The following PHF19 variants were observed in gnomAD, a reference collection of about 807,000 sequenced individuals.
PHF19 encodes polycomb like 3.
A neutral mutation model predicts 79.8 loss-of-function variants in PHF19; 21 were observed. The ratio of observed to expected loss-of-function variants is 0.26; its 90% CI spans 0.19 to 0.38. The LOEUF (loss-of-function observed/expected upper bound fraction) is 0.38. Among genes scored for constraint, PHF19 ranks in the 10% least tolerant of loss-of-function variants. The probability of loss-of-function intolerance (pLI) is 1.00; values close to 1 mark genes in which losing one functional copy is unlikely to be tolerated. For missense variants in PHF19, 445 were observed against 744.2 expected (o/e 0.60, Z 4.68); for synonymous variants, 273 against 296.3 (o/e 0.92, Z 0.81).
At chr9:120,880,539 A>T (rs1198914280), upstream of PHF19, among the ~76,000 whole-genome samples, 2 of 152,226 alleles carry the variant, frequency 1.3e-5, no homozygotes, top group Non-Finnish European at 2.9e-5. Flanking sequence ...ATGTAGTCAT[A>T]CAATGGAATA....
In PHF19 at chr9:120,860,905, G is replaced by A. The variant is rs1395345632; in HGVS notation, c.1304+184C>T. On this transcript the variant is annotated intron_variant, in intron 13 of 14. Coordinates refer to ENST00000373896, the MANE Select transcript of PHF19 (RefSeq NM_015651.3). This position sits in a 1 kb window ranked among gnomAD's most constrained non-coding sequence, Gnocchi z 4.1. Reference sequence around the variant, plus strand: ...ATAACCATGGGGCAAGGTGGGGAGGGCTGGAGAAGAGGGGAGGGCTGTGGT... The same window carrying A: ...ATAACCATGGGGCAAGGTGGGGAGGACTGGAGAAGAGGGGAGGGCTGTGGT... 3 of 574,282 alleles carry A rather than the reference G, an allele frequency of 5.2e-6. No homozygotes were observed. Among genetic ancestry groups the A allele is most frequent in the East Asian group, 6.0e-5 (2 of 33,512 alleles). The allele number at this position is 574,282 out of a possible 1,614,324, so 35.6% of individuals were successfully genotyped here. A position where few individuals can be genotyped will look rare whatever the true frequency, so the allele number is the denominator to read the frequency against.
intron 14 of PHF19, among the ~76,000 whole-genome samples, chr9:120,859,124 C>G (rs1415857928): frequency 6.6e-6 from 1 of 151,870 alleles, no homozygotes; most frequent in East Asian, 1.9e-4. Context: ...CTCAAACCAA[C>G]CAACAAACAG....
upstream of PHF19, among the ~76,000 whole-genome samples, chr9:120,896,451 C>CTTTTTTTTTTT (rs71370604): frequency 2.4e-5 from 2 of 82,712 alleles, no homozygotes; most frequent in Non-Finnish European, 4.6e-5. Context: ...TTTTTTTTTT[C>CTTTTTTTTTTT]TTTTTTTTTT....
At chr9:120,881,150 T>TTG (rs2046176301), upstream of PHF19, among the ~76,000 whole-genome samples, 1 of 16,530 alleles carries the variant, frequency 6.0e-5, no homozygotes, top group Non-Finnish European at 1.1e-4. Context: ...CGGGGGTTTG[T>TTG]TTTTTTTTTT....
intron 1 of PHF19, among the ~76,000 whole-genome samples, chr9:120,885,140 C>T (rs1202561791): frequency 6.6e-6 from 1 of 152,162 alleles, no homozygotes; most frequent in Non-Finnish European, 1.5e-5. Flanking sequence ...ATTGCTTGAA[C>T]CCAGAAGTTC....
Position 120,874,711 on chromosome 9 carries a change from G to A in PHF19, c.31C>T (p.Arg11Trp), listed in dbSNP as rs201764089. MENRALDPGT[R>W]DSYGATSHLP... Reference sequence around the variant, plus strand: ...TGGCTGGTGGCACCATAGGAGTCCCGAGTCCCTGGATCCAGAGCTCGATTC... The same window carrying A: ...TGGCTGGTGGCACCATAGGAGTCCCAAGTCCCTGGATCCAGAGCTCGATTC... The change falls in exon 2 of 15, where the codon CGG becomes TGG. Residue 11 changes from arginine to tryptophan, a missense_variant. By Grantham distance (101) the Arg-to-Trp change is moderately radical (BLOSUM62 -3). Around this residue, in one of 5 missense-constraint regions of PHF19, gnomAD observed 50 missense variants for 54.8 expected, o/e 0.91. Coordinates refer to ENST00000373896, the MANE Select transcript of PHF19 (RefSeq NM_015651.3). This position sits in a 1 kb window ranked among gnomAD's most constrained non-coding sequence, Gnocchi z 4.5. The A allele has an allele frequency of 5.6e-6, 9 of 1,613,694 alleles. No homozygotes were observed. Among genetic ancestry groups the A allele is most frequent in the African/African-American group, 2.7e-5 (2 of 75,028 alleles).
intron 1 of PHF19, among the ~76,000 whole-genome samples, chr9:120,889,747 A>G (rs2046315132): frequency 6.6e-6 from 1 of 151,980 alleles, no homozygotes; most frequent in South Asian, 2.1e-4. Context: ...CCTGTCTTGA[A>G]AAAAAGAAAG....
chr9:120,898,744 A>AT (rs1471772644), upstream of PHF19, among the ~76,000 whole-genome samples: 5 of 152,118 alleles, frequency 3.3e-5, no homozygotes, highest in African/African-American at 1.2e-4. Flanking sequence ...TGGGTGAGTG[A>AT]TTTTTTACCC....
chr9:120,903,506 A>G, the PHF19 span: 1 of 152,280 alleles, frequency 6.6e-6, no homozygotes, highest in East Asian at 1.9e-4. Context: ...CTACTGACCC[A>G]TTTTTATAGA....
chr9:120,873,015 C>CT (rs1239291127), intron 3 of PHF19, among the ~76,000 whole-genome samples: 1 of 152,192 alleles, frequency 6.6e-6, no homozygotes, highest in African/African-American at 2.4e-5. Flanking sequence ...CCCAACCACC[C>CT]TATGAAGCCA....
At chr9:120,877,069 C>A (rs1401093626) in intron 1 of PHF19, 22 bp downstream of exon 1, 7 of 985,326 alleles carry the variant, frequency 7.1e-6, no homozygotes, top group African/African-American at 3.5e-5. Context: ...GCGGGGAGTC[C>A]GCCCAACAGC....
At chr9:120,876,253 G>T (rs1342365654) in intron 1 of PHF19, 3 of 152,342 alleles carry the variant, frequency 2.0e-5, no homozygotes, top group African/African-American at 4.8e-5. Context: ...CCGGGCAGGG[G>T]ATGCGGTCTG....
the PHF19 span, among the ~76,000 whole-genome samples, chr9:120,902,056 C>T: frequency 6.6e-6 from 1 of 152,156 alleles, no homozygotes; most frequent in Non-Finnish European, 1.5e-5. Context: ...GACAGTTTCC[C>T]CTGAGAAGCT....
intron 1 of PHF19, among the ~76,000 whole-genome samples, chr9:120,887,543 G>A (rs973649795): frequency 6.6e-6 from 1 of 152,058 alleles, no homozygotes; most frequent in African/African-American, 2.4e-5. Context: ...CAGCCTGCTG[G>A]CCTGCCCTAT....
rs1011312572 is a variant in PHF19 at position 120,872,113 on chromosome 9, T to C, written c.269-1575A>G. On this transcript the variant is annotated intron_variant, in intron 3 of 14. Coordinates refer to ENST00000373896, the MANE Select transcript of PHF19 (RefSeq NM_015651.3). ...TCTGTATCCCCAGGACCTCATAGAG[T>C]GTGGCATGTAACAGGTGTTCCAAGA... 4.3e-5 allele frequency among the ~76,000 whole-genome samples: 6 copies of C among 138,162 alleles called. No individual in the cohort carries two copies. The Admixed American group carries it at 4.6e-4, about 11-fold the overall frequency. The allele number at this position is 138,162 out of a possible 152,430, so 90.6% of individuals were successfully genotyped here. A position where few individuals can be genotyped will look rare whatever the true frequency, so the allele number is the denominator to read the frequency against.
Position 120,869,300 on chromosome 9 carries a change from C to T in PHF19, c.496G>A (p.Ala166Thr), listed in dbSNP as rs773332681. 6.2e-7 allele frequency: 1 copy of T among 1,612,792 alleles called. No homozygotes were observed. The highest frequency in any genetic ancestry group is 8.5e-7 in the Non-Finnish European group (1 of 1,179,706). The part of the protein sequence containing the change: ...KGGALKKGAI[A>T]RTLQAVKMVL... ...ATCTTCACGGCCTGCAGCGTCCTGG[C>T]GATGGCGCCCTTCTTCAGCGCGCCG... Residue 166 changes from alanine to threonine, a missense_variant, in exon 6 of 15, where the codon GCC (alanine) becomes ACC (threonine). By Grantham distance (58) the Ala-to-Thr change is moderately conservative. Around this residue, in one of 5 missense-constraint regions of PHF19, gnomAD observed 167 missense variants for 375.8 expected, o/e 0.44. Transcript: ENST00000373896. This position sits in a 1 kb window ranked among gnomAD's most constrained non-coding sequence, Gnocchi z 5.8.
At chr9:120,871,733 G>A (rs1303006801) in intron 3 of PHF19, among the ~76,000 whole-genome samples, 2 of 152,238 alleles carry the variant, frequency 1.3e-5, no homozygotes, top group East Asian at 3.9e-4. Flanking sequence ...TGAAAATTTT[G>A]TAAGGGTAGA....
At position 120,869,103 on chromosome 9, in the gene PHF19, C is replaced by A; in HGVS notation, c.614+79G>T. The A allele has an allele frequency of 7.0e-7, 1 of 1,434,812 alleles. No individual in the cohort carries two copies. The highest frequency in any genetic ancestry group is 9.3e-7 in the Non-Finnish European group (1 of 1,072,890). The allele number at this position is 1,434,812 out of a possible 1,614,324, so 88.9% of individuals were successfully genotyped here. On this transcript the variant is annotated intron_variant, in intron 6 of 14. Transcript: ENST00000373896. This position sits in a 1 kb window ranked among gnomAD's most constrained non-coding sequence, Gnocchi z 5.8. ...CCCGCCTTGGCTGACACGCCAGGCT[C>A]GCTCCCTATGGGCGGTCCCTGCTGG...
Position 120,870,577 on chromosome 9 carries a change from G to T in PHF19, c.269-39C>A. 2 of 1,221,958 alleles carry T rather than the reference G, an allele frequency of 1.6e-6. No individual in the cohort carries two copies. The highest frequency in any genetic ancestry group is 2.4e-6 in the Non-Finnish European group (2 of 822,182). 75.7% of individuals were successfully genotyped at this position (1,221,958 alleles called of 1,614,324 possible). A position where few individuals can be genotyped will look rare whatever the true frequency, so the allele number is the denominator to read the frequency against. On this transcript the variant is annotated intron_variant, in intron 3 of 14. Transcript: ENST00000373896. The surrounding 1 kb of genome is among the most constrained non-coding windows in gnomAD (Gnocchi z 4.4). ...CCTCGAGGGTCGGGTCCAGCTCACA[G>T]GAATGGAAGTTTTATACTCACATTC...
Sources: allele counts gnomAD v4.1 joint callset (sites outside exome capture counted in the v4.1 genomes callset), GRCh38; gene constraint gnomAD v4.1.1; regional missense constraint gnomAD v4.1.1; non-coding constraint Gnocchi (gnomAD v3.1); transcripts MANE v1.5; gene names NCBI Gene and HGNC (gene_info 2026-07-23, HGNC 2026-07-21).